The following MEIKIN variants were observed in gnomAD, a reference collection of about 807,000 sequenced individuals.
The protein encoded by MEIKIN is meiotic kinetochore factor.
chr5:131,828,684 C>T (rs1749657048), intron 11 of MEIKIN, among the ~76,000 whole-genome samples: 1 of 152,114 alleles, frequency 6.6e-6, no homozygotes, highest in Admixed American at 6.5e-5. Context: ...TTAAAAGAAT[C>T]CACCATGTTC....
At chr5:131,928,595 TC>T (rs1442837355) in intron 5 of MEIKIN, among the ~76,000 whole-genome samples, 1 of 152,208 alleles carries the variant, frequency 6.6e-6, no homozygotes, top group Non-Finnish European at 1.5e-5. Flanking sequence ...ATTAACATCT[TC>T]AGTTAGTTTT....
intron 7 of MEIKIN, among the ~76,000 whole-genome samples, chr5:131,913,829 C>G (rs890492466): frequency 1.3e-5 from 2 of 152,196 alleles, no homozygotes; most frequent in Admixed American, 6.5e-5. Flanking sequence ...TTCCTATTAA[C>G]ATATGTAAGT....
chr5:131,936,757 G>A (rs998206541), intron 4 of MEIKIN, among the ~76,000 whole-genome samples: 1 of 152,000 alleles, frequency 6.6e-6, no homozygotes, highest in Non-Finnish European at 1.5e-5. Context: ...GCTACGCCTG[G>A]CTACTTTTTC....
chr5:131,890,201 G>A (rs1460114230), intron 8 of MEIKIN, among the ~76,000 whole-genome samples: 1 of 152,164 alleles, frequency 6.6e-6, no homozygotes, highest in Non-Finnish European at 1.5e-5. Context: ...GTATCAGGAT[G>A]ATGCTGGCCT....
intron 7 of MEIKIN, among the ~76,000 whole-genome samples, chr5:131,912,098 T>A (rs79150432): frequency 6.6e-6 from 1 of 152,058 alleles, no homozygotes; most frequent in South Asian, 2.1e-4. Flanking sequence ...ACAATATGCG[T>A]AGAGGACAGG....
At chr5:131,901,874 C>T (rs1751162554) in intron 8 of MEIKIN, among the ~76,000 whole-genome samples, 2 of 152,244 alleles carry the variant, frequency 1.3e-5, no homozygotes, top group South Asian at 2.1e-4. Flanking sequence ...ATCTGTGCCC[C>T]TGACCAAATC....
intron 9 of MEIKIN, among the ~76,000 whole-genome samples, chr5:131,863,233 T>A (rs1207869180): frequency 6.6e-6 from 1 of 152,178 alleles, no homozygotes; most frequent in East Asian, 1.9e-4. Flanking sequence ...GAACGTCCCA[T>A]GTGTAAATGA....
intron 9 of MEIKIN, among the ~76,000 whole-genome samples, chr5:131,870,873 GCTCT>G (rs1165399458): frequency 6.6e-6 from 1 of 152,156 alleles, no homozygotes; most frequent in East Asian, 1.9e-4. Context: ...TTTTCTATTT[GCTCT>G]CTAATTCCTT....
At chr5:131,896,837 T>C (rs1406814182) in intron 8 of MEIKIN, among the ~76,000 whole-genome samples, 3 of 152,252 alleles carry the variant, frequency 2.0e-5, no homozygotes, top group East Asian at 3.9e-4. Context: ...CTTTATCCAA[T>C]TTGCCAATCT....
intron 8 of MEIKIN, among the ~76,000 whole-genome samples, chr5:131,894,171 CTTGT>C (rs1750991651): frequency 6.6e-6 from 1 of 152,150 alleles, no homozygotes; most frequent in African/African-American, 2.4e-5. Context: ...TTCCCCATTG[CTTGT>C]TTTTCTCAGG....
At chr5:131,920,796 C>A (rs566550548) in intron 6 of MEIKIN, among the ~76,000 whole-genome samples, 1 of 151,860 alleles carries the variant, frequency 6.6e-6, no homozygotes, top group Non-Finnish European at 1.5e-5. Flanking sequence ...TGGGCTCAAG[C>A]GATCCTCTCA....
intron 11 of MEIKIN, among the ~76,000 whole-genome samples, chr5:131,844,561 G>C (rs1033076555): frequency 6.6e-6 from 1 of 152,100 alleles, no homozygotes; most frequent in Non-Finnish European, 1.5e-5. Flanking sequence ...TACCAGAGAG[G>C]AGAGAGCTAC....
chr5:131,850,532 G>A (rs752369358), intron 11 of MEIKIN, among the ~76,000 whole-genome samples: 1 of 152,214 alleles, frequency 6.6e-6, no homozygotes, highest in South Asian at 2.1e-4. Context: ...CACATATATG[G>A]TTAAATGATT....
chr5:131,878,444 G>A lies in MEIKIN; in HGVS notation c.774+534C>T, dbSNP rs189636079. ...TATCCAGGCCTAGTGGCAGGCACCC[G>A]TAGTCCCAGCTACTCGGGAGGCTGA... On this transcript the variant is annotated intron_variant, in intron 9 of 12. Coordinates refer to ENST00000442687, the MANE Select transcript of MEIKIN (RefSeq NM_001303622.2). Among the ~76,000 whole-genome samples the A allele has an allele frequency of 4.9e-4, 74 of 152,224 alleles. 1 individual carries two copies. The Middle Eastern group carries it at 0.01, about 21-fold the overall frequency.
At chr5:131,829,776 G>A (rs1749681461) in intron 11 of MEIKIN, among the ~76,000 whole-genome samples, 1 of 152,140 alleles carries the variant, frequency 6.6e-6, no homozygotes, top group Non-Finnish European at 1.5e-5. Flanking sequence ...GTGAAGATGG[G>A]AAGTAGATAT....
intron 5 of MEIKIN, among the ~76,000 whole-genome samples, chr5:131,930,221 C>T (rs1751664803): frequency 6.6e-6 from 1 of 152,128 alleles, no homozygotes; most frequent in African/African-American, 2.4e-5. Flanking sequence ...TAATAGCCAC[C>T]TTGACTGGTA....
intron 8 of MEIKIN, among the ~76,000 whole-genome samples, 154 bp downstream of exon 8, chr5:131,911,661 A>G (rs1751336982): frequency 6.6e-6 from 1 of 151,884 alleles, no homozygotes; most frequent in Non-Finnish European, 1.5e-5. Flanking sequence ...ACATATCTTC[A>G]TTTCTTAAAT....
chr5:131,854,493 T>C (rs1223564147), intron 10 of MEIKIN, among the ~76,000 whole-genome samples: 10 of 152,168 alleles, frequency 6.6e-5, no homozygotes, highest in Non-Finnish European at 1.2e-4. Context: ...AATTTTATGT[T>C]ATATATATTT....
intron 8 of MEIKIN, among the ~76,000 whole-genome samples, chr5:131,902,977 T>TA (rs1345175102): frequency 6.6e-6 from 1 of 152,060 alleles, no homozygotes; most frequent in African/African-American, 2.4e-5. Context: ...GCAACAGAGC[T>TA]AAAAAATACA....
Sources: allele counts gnomAD v4.1 joint callset (sites outside exome capture counted in the v4.1 genomes callset), GRCh38; gene constraint gnomAD v4.1.1; transcripts MANE v1.5; gene names NCBI Gene and HGNC (gene_info 2026-07-23, HGNC 2026-07-21).